The following TTC28 variants were observed in gnomAD, a reference collection of about 807,000 sequenced individuals.
The protein encoded by TTC28 is tetratricopeptide repeat domain 28, also known as tetratricopeptide repeat protein 28.
A neutral mutation model predicts 198.0 loss-of-function variants in TTC28; 61 were observed. That is an observed-to-expected ratio of 0.31 (90% CI 0.25 to 0.38). The LOEUF (loss-of-function observed/expected upper bound fraction) is 0.38, where lower values mean the gene tolerates loss of function less well. Among genes scored for constraint, TTC28 ranks in the 10% least tolerant of loss-of-function variants. The pLI, the probability that TTC28 is intolerant of heterozygous loss-of-function variation, is 1.00. For synonymous variants in TTC28, 1,171 were observed against 1,297.8 expected, an observed-to-expected ratio of 0.90 and a Z score of 2.10; for missense variants, 2,678 against 3,164.0, an observed-to-expected ratio of 0.85 and a Z score of 3.69.
intron 6 of TTC28, among the ~76,000 whole-genome samples, chr22:28,131,936 T>A (rs910599243): frequency 6.6e-6 from 1 of 152,318 alleles, no homozygotes; most frequent in East Asian, 1.9e-4. Flanking sequence ...AAAACAGCAC[T>A]GGAGAGGACA....
At chr22:28,125,576 T>C (rs1329294585) in intron 6 of TTC28, among the ~76,000 whole-genome samples, 1 of 152,200 alleles carries the variant, frequency 6.6e-6, no homozygotes, top group Admixed American at 6.5e-5. Context: ...TTTTACATCT[T>C]GAACTTTGGA....
At chr22:28,324,972 G>A (rs1337257692) in intron 2 of TTC28, among the ~76,000 whole-genome samples, 4 of 152,076 alleles carry the variant, frequency 2.6e-5, no homozygotes, top group African/African-American at 7.2e-5. Context: ...CTTTGGTATC[G>A]GGATGATGCT....
chr22:28,168,484 A>G (rs1922278578), intron 5 of TTC28, among the ~76,000 whole-genome samples: 1 of 152,190 alleles, frequency 6.6e-6, no homozygotes, highest in Non-Finnish European at 1.5e-5. Flanking sequence ...ATATAGACCA[A>G]TGGAACAGAA....
chr22:28,467,844 C>T (rs555371252), intron 2 of TTC28, among the ~76,000 whole-genome samples: 2 of 152,192 alleles, frequency 1.3e-5, no homozygotes, highest in African/African-American at 4.8e-5. Flanking sequence ...TCACTGCAGC[C>T]TCTACCTCCG....
chr22:28,090,403 CAT>C (rs551352008), intron 12 of TTC28, among the ~76,000 whole-genome samples: 40 of 152,058 alleles, frequency 2.6e-4, no homozygotes, highest in African/African-American at 8.7e-4. Context: ...TCTTTGTAAA[CAT>C]AATTTTAATT....
intron 12 of TTC28, among the ~76,000 whole-genome samples, chr22:28,061,064 G>A (rs940807693): frequency 1.3e-5 from 2 of 152,182 alleles, no homozygotes; most frequent in Non-Finnish European, 2.9e-5. Context: ...TTTTGATGAG[G>A]TTGTTTGATT....
At chr22:28,536,104 C>A (rs1292517178) in intron 2 of TTC28, among the ~76,000 whole-genome samples, 1 of 144,648 alleles carries the variant, frequency 6.9e-6, no homozygotes, top group Non-Finnish European at 1.5e-5. Flanking sequence ...GAGGCTGAGG[C>A]AGGAGAATGG....
intron 2 of TTC28, among the ~76,000 whole-genome samples, chr22:28,584,534 A>C (rs2050282950): frequency 6.6e-6 from 1 of 152,220 alleles, no homozygotes; most frequent in African/African-American, 2.4e-5. Context: ...GCTGACTAAT[A>C]AAGTAGCCAT....
At chr22:28,041,183 A>G (rs1939623822) in intron 12 of TTC28, among the ~76,000 whole-genome samples, 1 of 152,206 alleles carries the variant, frequency 6.6e-6, no homozygotes, top group South Asian at 2.1e-4. Flanking sequence ...ATTCAATGCT[A>G]TCCCCATCAA....
intron 2 of TTC28, among the ~76,000 whole-genome samples, chr22:28,457,395 G>T (rs1227474445): frequency 6.6e-6 from 1 of 152,076 alleles, no homozygotes; most frequent in African/African-American, 2.4e-5. Flanking sequence ...AACGATTTTA[G>T]CACCACCACT....
chr22:28,320,264 G>GT (rs112265077), intron 2 of TTC28, among the ~76,000 whole-genome samples: 4,644 of 141,078 alleles, frequency 0.033, 73 homozygotes, highest in East Asian at 0.058. Flanking sequence ...AATTCTCTAG[G>GT]TTTTTTTTTT....
At chr22:28,086,780 G>A (rs1941619296) in intron 12 of TTC28, among the ~76,000 whole-genome samples, 1 of 151,848 alleles carries the variant, frequency 6.6e-6, no homozygotes, top group African/African-American at 2.4e-5. Flanking sequence ...GACTAATAAA[G>A]AAAAGAGAGA....
chr22:28,645,311 C>T (rs1285882304), intron 1 of TTC28, among the ~76,000 whole-genome samples: 2 of 152,002 alleles, frequency 1.3e-5, no homozygotes, highest in African/African-American at 4.8e-5. Context: ...AAAATACTAG[C>T]AAACCAAATC....
rs6005827 is a variant in TTC28 at position 28,623,266 on chromosome 22, T to G, written c.381+6286A>C. Among the ~76,000 whole-genome samples, 1,242 of 152,296 alleles carry G rather than the reference T, an allele frequency of 8.2e-3. 19 individuals carry two copies. The highest frequency in any genetic ancestry group is 0.028 in the African/African-American group (1,144 of 41,564). On this transcript the variant is annotated intron_variant, in intron 2 of 22. Coordinates refer to ENST00000397906, the MANE Select transcript of TTC28 (RefSeq NM_001145418.2). Reference sequence around the variant, plus strand: ...CACACCCAGGTCAGACAAAATAGTTTATAATACAAAATTTACTATCACAGA... The same window carrying G: ...CACACCCAGGTCAGACAAAATAGTTGATAATACAAAATTTACTATCACAGA...
At chr22:28,298,683 T>C (rs2044952827) in intron 3 of TTC28, among the ~76,000 whole-genome samples, 1 of 152,166 alleles carries the variant, frequency 6.6e-6, no homozygotes, top group African/African-American at 2.4e-5. Flanking sequence ...ACTCCTCGGC[T>C]CAAGTGATCC....
intron 5 of TTC28, among the ~76,000 whole-genome samples, chr22:28,219,452 G>C (rs1048385252): frequency 6.6e-6 from 1 of 151,548 alleles, no homozygotes; most frequent in African/African-American, 2.4e-5. Context: ...GGGTTGCAGT[G>C]AGCCAAGATC....
In TTC28 at chr22:28,107,610, G is replaced by C. The variant is rs751779174; in HGVS notation, c.2235C>G (p.His745Gln). The stretch of plus-strand genomic sequence containing the variant: ...CTTCTAATCTTCTGTCCTTTACCTG[G>C]TGAGCTAAGCCCAGTTGCTGCTCAT... The part of the protein sequence containing the change: ...KFYEQQLGLA[H>Q]QVKDRRLEAS... Residue 745 changes from histidine to glutamine, a missense_variant, in exon 7 of 23, where the codon CAC becomes CAG. His to Gln is a conservative substitution (Grantham distance 24). Around this residue, in one of 8 missense-constraint regions of TTC28, gnomAD observed 775 missense variants for 845.9 expected, o/e 0.92. Coordinates refer to ENST00000397906, the MANE Select transcript of TTC28 (RefSeq NM_001145418.2). 2 of 1,551,726 alleles carry C rather than the reference G, an allele frequency of 1.3e-6. No homozygotes were observed. Among genetic ancestry groups the C allele is most frequent in the South Asian group, 2.4e-5 (2 of 84,056 alleles).
chr22:28,276,398 G>C (rs1932431886), intron 5 of TTC28, among the ~76,000 whole-genome samples: 1 of 152,068 alleles, frequency 6.6e-6, no homozygotes, highest in Non-Finnish European at 1.5e-5. Flanking sequence ...GGATAAAATT[G>C]TATATCAAAG....
chr22:28,118,602 G>C (rs1217615986), intron 6 of TTC28, among the ~76,000 whole-genome samples: 1 of 152,140 alleles, frequency 6.6e-6, no homozygotes, highest in African/African-American at 2.4e-5. Flanking sequence ...CCTAGGAGCA[G>C]TCAGCTATAT....
Sources: gnomAD v4.1 joint callset for allele counts (sites outside exome capture counted in the v4.1 genomes callset) on GRCh38, gnomAD v4.1.1 for gene constraint, gnomAD v4.1.1 regional missense constraint, MANE v1.5 for transcripts, NCBI Gene and HGNC (gene_info 2026-07-23, HGNC 2026-07-21) for gene names.